CTNNA2: variants seen among roughly 807,000 people sequenced by gnomAD.
The protein encoded by CTNNA2 is catenin alpha 2, also known as catenin alpha-2.
In CTNNA2, 42 loss-of-function variants were observed where a neutral mutation model predicts 101.0. That is an observed-to-expected ratio of 0.42 (90% CI 0.32 to 0.54). CTNNA2 has a LOEUF of 0.54. CTNNA2 is among the 20% of genes least tolerant of loss of function. The probability of loss-of-function intolerance (pLI) is 0.14; values close to 1 mark genes in which losing one functional copy is unlikely to be tolerated. For synonymous variants in CTNNA2, 450 were observed against 456.4 expected (o/e 0.99, Z 0.18); for missense variants, 871 against 1,223.1 (o/e 0.71, Z 4.29).
At chr2:80,071,036 C>G (rs1223146635) in intron 7 of CTNNA2, among the ~76,000 whole-genome samples, 1 of 152,166 alleles carries the variant, frequency 6.6e-6, no homozygotes, top group Non-Finnish European at 1.5e-5. Context: ...TGCACAGACT[C>G]TTTTTAAAAA....
At chr2:79,889,410 T>A (rs1238219180) in intron 6 of CTNNA2, among the ~76,000 whole-genome samples, 1 of 152,202 alleles carries the variant, frequency 6.6e-6, no homozygotes, top group Non-Finnish European at 1.5e-5. Context: ...CAATTACTCA[T>A]ATGCACGTAT....
chr2:79,418,850 G>T (rs1442473821), intron 4 of CTNNA2, among the ~76,000 whole-genome samples: 1 of 151,740 alleles, frequency 6.6e-6, no homozygotes, highest in Non-Finnish European at 1.5e-5. Flanking sequence ...GTATTATAAA[G>T]TATATAGTCA....
chr2:80,443,521 G>T (rs1052430879), intron 9 of CTNNA2, among the ~76,000 whole-genome samples: 1 of 152,136 alleles, frequency 6.6e-6, no homozygotes, highest in Non-Finnish European at 1.5e-5. Flanking sequence ...CTAATAGAAA[G>T]AACACTTAAC....
intron 3 of CTNNA2, among the ~76,000 whole-genome samples, chr2:79,313,207 C>T (rs184812976): frequency 6.6e-6 from 1 of 152,280 alleles, no homozygotes; most frequent in Admixed American, 6.5e-5. Context: ...TGTGTAATTG[C>T]TTCTGAGCAG....
intron 7 of CTNNA2, among the ~76,000 whole-genome samples, chr2:80,380,786 T>C (rs1281129304): frequency 6.6e-6 from 1 of 152,164 alleles, no homozygotes; most frequent in Non-Finnish European, 1.5e-5. Context: ...ATATGCATTC[T>C]CAAGTCTCCC....
At chr2:79,766,230 G>A (rs558864577) in intron 3 of CTNNA2, among the ~76,000 whole-genome samples, 8 of 152,140 alleles carry the variant, frequency 5.3e-5, no homozygotes, top group African/African-American at 7.2e-5. Flanking sequence ...AATGCGGTCC[G>A]TGAGCTTTTG....
intron 3 of CTNNA2, among the ~76,000 whole-genome samples, chr2:79,796,633 G>A (rs547706127): frequency 1.3e-3 from 193 of 152,320 alleles, no homozygotes; most frequent in African/African-American, 4.3e-3. Context: ...GGAGCTGTCA[G>A]ATGTGTGATG....
At chr2:80,506,224 T>A (rs1008682552) in intron 9 of CTNNA2, among the ~76,000 whole-genome samples, 5 of 152,196 alleles carry the variant, frequency 3.3e-5, no homozygotes, top group African/African-American at 1.2e-4. Context: ...TAACAGTTAC[T>A]GGTTAGAGGA....
chr2:79,770,130 G>T (rs76994970), intron 3 of CTNNA2, among the ~76,000 whole-genome samples: 1 of 152,128 alleles, frequency 6.6e-6, no homozygotes, highest in Non-Finnish European at 1.5e-5. Context: ...TACCATCTAG[G>T]GGGTAGAAGT....
intron 4 of CTNNA2, among the ~76,000 whole-genome samples, chr2:79,485,169 A>G (rs1222775705): frequency 6.6e-6 from 1 of 152,146 alleles, no homozygotes; most frequent in African/African-American, 2.4e-5. Flanking sequence ...CAAAAGATCT[A>G]TTTATACATT....
chr2:79,842,593 G>A (rs1319441217), intron 3 of CTNNA2, among the ~76,000 whole-genome samples: 1 of 152,078 alleles, frequency 6.6e-6, no homozygotes, highest in African/African-American at 2.4e-5. Flanking sequence ...TTGCATCAAG[G>A]TTACTAAGAT....
intron 8 of CTNNA2, among the ~76,000 whole-genome samples, chr2:80,415,527 A>G (rs1679960113): frequency 6.6e-6 from 1 of 152,186 alleles, no homozygotes; most frequent in South Asian, 2.1e-4. Flanking sequence ...GTTTGCAAGT[A>G]TGCATATGTT....
intron 7 of CTNNA2, among the ~76,000 whole-genome samples, chr2:80,087,589 C>G (rs1280632311): frequency 1.3e-5 from 2 of 152,024 alleles, no homozygotes; most frequent in African/African-American, 4.8e-5. Context: ...GTGGGCTGCT[C>G]TCTGGAGTGA....
intron 3 of CTNNA2, among the ~76,000 whole-genome samples, chr2:79,814,398 C>T (rs1283581621): frequency 3.9e-5 from 6 of 152,104 alleles, no homozygotes; most frequent in African/African-American, 1.4e-4. Context: ...CCACCTCTCA[C>T]CTTTCCCTCC....
chr2:79,805,497 G>A (rs1676500412), intron 3 of CTNNA2, among the ~76,000 whole-genome samples: 1 of 152,154 alleles, frequency 6.6e-6, no homozygotes, highest in Non-Finnish European at 1.5e-5. Context: ...GGATTTTGGA[G>A]CATTTCAGAT....
intron 7 of CTNNA2, among the ~76,000 whole-genome samples, chr2:80,245,472 T>A (rs1671249018): frequency 6.6e-6 from 1 of 152,212 alleles, no homozygotes; most frequent in South Asian, 2.1e-4. Flanking sequence ...ACAACGAGTC[T>A]TTATATAACC....
intron 2 of CTNNA2, among the ~76,000 whole-genome samples, chr2:79,225,374 C>T (rs1278082976): frequency 6.6e-6 from 1 of 152,088 alleles, no homozygotes; most frequent in Non-Finnish European, 1.5e-5. Context: ...TAATTGTCAG[C>T]TTGTCTTTGA....
chr2:80,421,043 CAG>C (rs1271074861), intron 9 of CTNNA2, among the ~76,000 whole-genome samples: 2 of 152,104 alleles, frequency 1.3e-5, no homozygotes, highest in Admixed American at 1.3e-4. Context: ...TTTAGGGATC[CAG>C]AGTCTTTCCA....
At chr2:79,430,388 A>T (rs145418439) in intron 4 of CTNNA2, among the ~76,000 whole-genome samples, 114 of 152,294 alleles carry the variant, frequency 7.5e-4, no homozygotes, top group African/African-American at 2.7e-3. Flanking sequence ...GGAATCCCAG[A>T]CAGTCAGTCA....
Sources: allele counts gnomAD v4.1 joint callset (sites outside exome capture counted in the v4.1 genomes callset), GRCh38; gene constraint gnomAD v4.1.1; transcripts MANE v1.5; gene names NCBI Gene and HGNC (gene_info 2026-07-23, HGNC 2026-07-21).